IMMP2L: variants seen among roughly 807,000 people sequenced by gnomAD.
IMMP2L encodes the protein inner mitochondrial membrane peptidase subunit 2.
In IMMP2L, 18 loss-of-function variants were observed where a neutral mutation model predicts 19.3. That is an observed-to-expected ratio of 0.93 (90% CI 0.64 to 1.38). The LOEUF is 1.38. Among genes scored for constraint, IMMP2L ranks in the 40% most tolerant of loss-of-function variants. IMMP2L has a pLI of 0.00. For synonymous variants in IMMP2L, 76 were observed against 73.0 expected, an observed-to-expected ratio of 1.04 and a Z score of -0.21; for missense variants, 233 against 218.2, an observed-to-expected ratio of 1.07 and a Z score of -0.43.
intron 3 of IMMP2L, among the ~76,000 whole-genome samples, chr7:111,425,970 A>G (rs1836032136): frequency 6.6e-6 from 1 of 151,230 alleles, no homozygotes; most frequent in Non-Finnish European, 1.5e-5. Flanking sequence ...TAAATGCTAC[A>G]GAAAAAGAGA....
intron 3 of IMMP2L, among the ~76,000 whole-genome samples, chr7:111,037,475 A>G (rs573182498): frequency 6.6e-6 from 1 of 152,208 alleles, no homozygotes; most frequent in South Asian, 2.1e-4. Flanking sequence ...CATTAGTAGG[A>G]TATCATTTTA....
chr7:110,822,562 C>T (rs957759597), intron 5 of IMMP2L, among the ~76,000 whole-genome samples: 2 of 152,078 alleles, frequency 1.3e-5, no homozygotes, highest in East Asian at 3.9e-4. Context: ...AGCCAATTAT[C>T]CATTCTTTCT....
chr7:111,020,483 C>A (rs1043494476), intron 3 of IMMP2L, among the ~76,000 whole-genome samples: 1 of 152,026 alleles, frequency 6.6e-6, no homozygotes, highest in African/African-American at 2.4e-5. Flanking sequence ...AGTTGTTGGC[C>A]GGGCAGGGTG....
At position 111,048,208 on chromosome 7, in the gene IMMP2L, C is replaced by T. The variant is rs1411796536; in HGVS notation, c.240-84643G>A. On this transcript the variant is annotated intron_variant, in intron 3 of 5. Coordinates refer to ENST00000405709, the MANE Select transcript of IMMP2L (RefSeq NM_032549.4). The stretch of plus-strand genomic sequence containing the variant: ...TGAGCCGAGATTGAGCCACTGCACT[C>T]CAGCTGGGCGACAGAGCGAGACTCT... Among the ~76,000 whole-genome samples the T allele has an allele frequency of 5.0e-5, 6 of 118,836 alleles. No individual in the cohort carries two copies. The Admixed American group carries it at 7.6e-4, about 15-fold the overall frequency. 78.0% of individuals were successfully genotyped at this position (118,836 alleles called of 152,430 possible).
intron 5 of IMMP2L, among the ~76,000 whole-genome samples, chr7:110,755,130 C>T (rs1370320728): frequency 6.6e-6 from 1 of 151,998 alleles, no homozygotes; most frequent in Non-Finnish European, 1.5e-5. Context: ...GGTCAATCCT[C>T]AGTTTAGACC....
At chr7:110,837,867 A>G (rs1342673172) in intron 5 of IMMP2L, among the ~76,000 whole-genome samples, 1 of 152,186 alleles carries the variant, frequency 6.6e-6, no homozygotes, top group Non-Finnish European at 1.5e-5. Context: ...AATGCCCAGA[A>G]GGCCTGGCAA....
At chr7:111,087,494 T>C (rs570047203) in intron 3 of IMMP2L, among the ~76,000 whole-genome samples, 1 of 151,088 alleles carries the variant, frequency 6.6e-6, no homozygotes, top group Non-Finnish European at 1.5e-5. Context: ...AGAATAGCTA[T>C]AATTCAACTG....
chr7:111,483,826 G>GAT (rs759006135), intron 3 of IMMP2L: 3 of 152,112 alleles, frequency 2.0e-5, no homozygotes, highest in Non-Finnish European at 2.9e-5. Flanking sequence ...TTTCCCAGAT[G>GAT]ATTAATGTTT....
chr7:111,493,697 T>A (rs1161685582), intron 2 of IMMP2L, among the ~76,000 whole-genome samples: 2 of 124,482 alleles, frequency 1.6e-5, no homozygotes, highest in African/African-American at 6.3e-5. Flanking sequence ...AGAGCAAGAC[T>A]CCGTCTCAAA....
chr7:110,999,930 G>T (rs1416566601), intron 3 of IMMP2L, among the ~76,000 whole-genome samples: 1 of 152,142 alleles, frequency 6.6e-6, no homozygotes, highest in East Asian at 1.9e-4. Context: ...TACAAGTTAA[G>T]ATGAGAGAGT....
At chr7:110,906,607 G>A (rs1476599702) in intron 4 of IMMP2L, among the ~76,000 whole-genome samples, 1 of 152,112 alleles carries the variant, frequency 6.6e-6, no homozygotes, top group Admixed American at 6.6e-5. Context: ...GACTCTGGAT[G>A]GAGGTAAATT....
At chr7:111,530,309 T>C (rs1847270365) in intron 1 of IMMP2L, among the ~76,000 whole-genome samples, 1 of 152,210 alleles carries the variant, frequency 6.6e-6, no homozygotes, top group Non-Finnish European at 1.5e-5. Context: ...GCACTAGCTA[T>C]GTCTAAGGAA....
chr7:111,427,375 A>G (rs1179896222), intron 3 of IMMP2L, among the ~76,000 whole-genome samples: 4 of 151,764 alleles, frequency 2.6e-5, no homozygotes, highest in Non-Finnish European at 5.9e-5. Context: ...GATTAATATT[A>G]GGGCACTTCT....
chr7:111,150,115 A>G (rs1423544084), intron 3 of IMMP2L, among the ~76,000 whole-genome samples: 1 of 152,172 alleles, frequency 6.6e-6, no homozygotes, highest in African/African-American at 2.4e-5. Context: ...AATCTCAACC[A>G]TGACATGAAA....
At chr7:111,330,155 C>T (rs931016721) in intron 3 of IMMP2L, among the ~76,000 whole-genome samples, 7 of 151,226 alleles carry the variant, frequency 4.6e-5, no homozygotes, top group African/African-American at 1.7e-4. Context: ...ATTGATTGAA[C>T]ACAGAAAGAA....
intron 3 of IMMP2L, among the ~76,000 whole-genome samples, chr7:111,357,038 T>C (rs553636394): frequency 1.3e-5 from 2 of 151,996 alleles, no homozygotes; most frequent in South Asian, 4.2e-4. Context: ...AAAGCACATA[T>C]ATGCAAGCTA....
rs188252784 is a variant in IMMP2L at position 111,176,781 on chromosome 7, T to G, written c.240-213216A>C. Among the ~76,000 whole-genome samples the G allele has an allele frequency of 9.2e-5, 14 of 151,542 alleles. No individual in the cohort carries two copies. The East Asian group carries it at 2.3e-3, about 25-fold the overall frequency. On this transcript the variant is annotated intron_variant, in intron 3 of 5. Coordinates refer to ENST00000405709, the MANE Select transcript of IMMP2L (RefSeq NM_032549.4). ...AAATAACTAAAAGAGTAAAAATCAT[T>G]TAAACCCATTCGAACCATAAACAAA... is the stretch of plus-strand genomic sequence containing the variant.
intron 5 of IMMP2L, among the ~76,000 whole-genome samples, chr7:110,720,858 G>C (rs1795521414): frequency 6.6e-6 from 1 of 152,054 alleles, no homozygotes; most frequent in African/African-American, 2.4e-5. Flanking sequence ...GAATTTAAAA[G>C]TGAATTTTCA....
chr7:111,062,911 TG>T (rs1337875147), intron 3 of IMMP2L, among the ~76,000 whole-genome samples: 1 of 152,212 alleles, frequency 6.6e-6, no homozygotes, highest in African/African-American at 2.4e-5. Flanking sequence ...TTTCATGGGC[TG>T]GAATTGAGTG....
Sources: allele counts gnomAD v4.1 joint callset (sites outside exome capture counted in the v4.1 genomes callset), GRCh38; gene constraint gnomAD v4.1.1; transcripts MANE v1.5; gene names NCBI Gene and HGNC (gene_info 2026-07-23, HGNC 2026-07-21).